Variants in EDNRA observed in about 807,000 individuals in gnomAD.
EDNRA encodes endothelin receptor type A.
Under a neutral mutation model 41.4 loss-of-function variants are expected in EDNRA, and 11 were observed. That is an observed-to-expected ratio of 0.27 (90% CI 0.17 to 0.44). EDNRA has a LOEUF of 0.44. Ranked by LOEUF, EDNRA falls within the 20% of genes least tolerant of loss-of-function variation. The pLI, the probability that EDNRA is intolerant of heterozygous loss-of-function variation, is 1.00. For missense variants in EDNRA, 294 were observed against 531.0 expected (o/e 0.55, Z 4.39); for synonymous variants, 172 against 183.0 (o/e 0.94, Z 0.49).
chr4:147,532,377 A>G (rs1730781659), intron 3 of EDNRA, 129 bp from the exon 4 acceptor site: 3 of 755,720 alleles, frequency 4.0e-6, no homozygotes, highest in East Asian at 2.5e-5. Flanking sequence ...ACCAAGACTC[A>G]GAAAATTCCT....
Position 147,539,950 on chromosome 4 carries a change from G to T in EDNRA, c.1034G>T (p.Ser345Ile). The stretch of plus-strand genomic sequence containing the variant: ...GACAAGAACCGATGTGAATTACTTA[G>T]GTATGATCCTGTGTACTCGCTAGAA... ...EMDKNRCELLSFLLLMDYIGI... is the reference protein window; with the variant it reads ...EMDKNRCELLIFLLLMDYIGI... The change falls in exon 6 of 8, where the codon AGT becomes ATT. Residue 345 changes from serine (S) to isoleucine (I), a missense_variant and splice_region_variant. This residue lies in a region of EDNRA where 185 missense variants were observed against 390.8 expected (regional missense o/e 0.47). Transcript: ENST00000651419. The T allele has an allele frequency of 6.3e-7, 1 of 1,595,762 alleles. No homozygotes were observed. The highest frequency in any genetic ancestry group is 8.5e-7 in the Non-Finnish European group (1 of 1,175,506).
At chr4:147,485,175 A>G (rs1237571990) in intron 1 of EDNRA, among the ~76,000 whole-genome samples, 1 of 137,214 alleles carries the variant, frequency 7.3e-6, no homozygotes, top group East Asian at 2.4e-4. Context: ...AGAAAGAAGT[A>G]ACTACTACTT....
At chr4:147,508,662 A>T (rs972857728) in intron 2 of EDNRA, among the ~76,000 whole-genome samples, 2 of 152,082 alleles carry the variant, frequency 1.3e-5, no homozygotes, top group Non-Finnish European at 2.9e-5. Context: ...CATCTAAGTT[A>T]TTTTTTTGCA....
chr4:147,531,922 A>G (rs1161670620), intron 3 of EDNRA, among the ~76,000 whole-genome samples: 1 of 150,830 alleles, frequency 6.6e-6, no homozygotes, highest in Non-Finnish European at 1.5e-5. Context: ...AGGCAGGAGA[A>G]TGGCGTGAAC....
intron 2 of EDNRA, among the ~76,000 whole-genome samples, chr4:147,510,908 TA>T (rs1260430146): frequency 1.3e-5 from 2 of 152,234 alleles, no homozygotes; most frequent in Non-Finnish European, 2.9e-5. Flanking sequence ...TAGTTTCAGA[TA>T]AACTAGTTAC....
At position 147,542,837 on chromosome 4, in the gene EDNRA, C is replaced by A; in HGVS notation, c.*219C>A. The A allele has an allele frequency of 2.0e-6, 1 of 501,928 alleles. No homozygotes were observed. Among genetic ancestry groups the A allele is most frequent in the Non-Finnish European group, 3.4e-6 (1 of 295,478 alleles). The allele number at this position is 501,928 out of a possible 1,614,324, so 31.1% of individuals were successfully genotyped here. ...TAATTGATCTAATTTACATATTCTG[C>A]GTGTTGTATTCAGCACTAAAAAATG... On this transcript the variant is annotated 3_prime_UTR_variant, in exon 8 of 8. Transcript: ENST00000651419.
chr4:147,481,819 G>C (rs1056200477), intron 1 of EDNRA, among the ~76,000 whole-genome samples: 1 of 152,206 alleles, frequency 6.6e-6, no homozygotes, highest in African/African-American at 2.4e-5. Context: ...CTGGGTCTGG[G>C]TATGCCAAGG....
chr4:147,535,019 T>C (rs1730872278), intron 4 of EDNRA, among the ~76,000 whole-genome samples: 1 of 152,230 alleles, frequency 6.6e-6, no homozygotes, highest in Non-Finnish European at 1.5e-5. Context: ...TATTTTTTAC[T>C]GTGGGAACTG....
intron 3 of EDNRA, among the ~76,000 whole-genome samples, chr4:147,531,314 T>C (rs1031186111): frequency 6.6e-6 from 1 of 152,136 alleles, no homozygotes; most frequent in Non-Finnish European, 1.5e-5. Flanking sequence ...CACAGGGCCA[T>C]AATGGGAGTG....
intron 3 of EDNRA, among the ~76,000 whole-genome samples, chr4:147,525,069 A>C (rs1193733924): frequency 2.0e-5 from 3 of 152,222 alleles, no homozygotes; most frequent in African/African-American, 7.2e-5. Context: ...TATTTTAAAA[A>C]CATAATTATC....
chr4:147,500,968 G>T (rs73853912), intron 2 of EDNRA, among the ~76,000 whole-genome samples: 4,579 of 152,290 alleles, frequency 0.03, 199 homozygotes, highest in African/African-American at 0.1. Context: ...GCACTCATTT[G>T]GATTGGCCCT....
chr4:147,488,293 C>A (rs540958203), intron 2 of EDNRA: 1 of 152,322 alleles, frequency 6.6e-6, no homozygotes, highest in Admixed American at 6.5e-5. Context: ...CATTTCTATT[C>A]CATGGCAACG....
At chr4:147,540,078 T>G in intron 6 of EDNRA, 128 bp downstream of exon 6, 3 of 1,323,628 alleles carry the variant, frequency 2.3e-6, no homozygotes, top group Non-Finnish European at 3.1e-6. Flanking sequence ...TTGATTTTTT[T>G]CTTTAGCTGA....
chr4:147,510,434 C>A (rs955641995), intron 2 of EDNRA, among the ~76,000 whole-genome samples: 7 of 152,134 alleles, frequency 4.6e-5, no homozygotes, highest in African/African-American at 1.7e-4. Flanking sequence ...GCTAGTACAA[C>A]CTAATGTTAT....
intron 2 of EDNRA, among the ~76,000 whole-genome samples, chr4:147,514,682 C>T (rs1730049338): frequency 6.6e-6 from 1 of 152,134 alleles, no homozygotes. Flanking sequence ...CCACGTTGGC[C>T]AGGCTGGTCT....
At chr4:147,506,114 A>G (rs1729707179) in intron 2 of EDNRA, 7 of 526,080 alleles carry the variant, frequency 1.3e-5, no homozygotes, top group South Asian at 8.3e-5. Context: ...TGTCACAGCA[A>G]TGAGCTAAAG....
intron 3 of EDNRA, among the ~76,000 whole-genome samples, chr4:147,523,327 G>T (rs1267992053): frequency 6.6e-6 from 1 of 152,082 alleles, no homozygotes; most frequent in Admixed American, 6.5e-5. Context: ...TTCAAAATAG[G>T]TCAAAGAAAT....
At position 147,532,189 on chromosome 4, in the gene EDNRA, G is replaced by A. The variant is rs547744504; in HGVS notation, c.549-317G>A. On this transcript the variant is annotated intron_variant, in intron 3 of 7. Coordinates refer to ENST00000651419, the MANE Select transcript of EDNRA (RefSeq NM_001957.4). ...AAAATACAAAAAATTAGCCGGGCGT[G>A]GTGGCAGGCGCCTGTAGTCCCAGCT... is the stretch of plus-strand genomic sequence containing the variant. Among the ~76,000 whole-genome samples, 868 of 149,146 alleles carry A rather than the reference G, an allele frequency of 5.8e-3. 4 individuals carry two copies. The highest frequency in any genetic ancestry group is 0.021 in the Middle Eastern group (6 of 284).
intron 1 of EDNRA, among the ~76,000 whole-genome samples, chr4:147,482,939 TTCTC>T (rs113538898): frequency 6.6e-6 from 1 of 152,164 alleles, no homozygotes; most frequent in African/African-American, 2.4e-5. Flanking sequence ...TGCAAAGGCC[TTCTC>T]TCTCTCATTT....
Sources: gnomAD v4.1 joint callset for allele counts (sites outside exome capture counted in the v4.1 genomes callset) on GRCh38, gnomAD v4.1.1 for gene constraint, gnomAD v4.1.1 regional missense constraint, MANE v1.5 for transcripts, NCBI Gene and HGNC (gene_info 2026-07-23, HGNC 2026-07-21) for gene names.